The following TRPM7 variants were observed in gnomAD, a reference collection of about 807,000 sequenced individuals.
TRPM7 encodes LTRPC ion channel family member 7.
Under a neutral mutation model 229.7 loss-of-function variants are expected in TRPM7, and 134 were observed. The ratio of observed to expected loss-of-function variants is 0.58; its 90% CI spans 0.51 to 0.67. The LOEUF (loss-of-function observed/expected upper bound fraction) is 0.67, where lower values mean the gene tolerates loss of function less well. TRPM7 is among the 30% of genes least tolerant of loss of function. The pLI is 0.00. For missense variants in TRPM7, 1,901 were observed against 2,210.0 expected (o/e 0.86, Z 2.80); for synonymous variants, 699 against 715.2 (o/e 0.98, Z 0.36).
Position 50,592,124 on chromosome 15 carries a change from C to G in TRPM7, c.4111G>C (p.Gly1371Arg). Residue 1371 changes from glycine (G) to arginine (R), a missense_variant, in exon 26 of 39, where the codon GGG becomes CGG. Transcript: ENST00000646667. ...SPPELRQRLH[G>R]VELLKIFNKN... ...TTAAATATTTTTAAGAGTTCTACCCCATGTAGTCTCTGTCGCAGTTCTGGA... is the reference window on the plus strand; with the variant it reads ...TTAAATATTTTTAAGAGTTCTACCCGATGTAGTCTCTGTCGCAGTTCTGGA... 6.2e-7 allele frequency: 1 copy of G among 1,613,254 alleles called. No individual in the cohort carries two copies.
intron 28 of TRPM7, among the ~76,000 whole-genome samples, chr15:50,585,102 C>T (rs1173658061): frequency 8.6e-5 from 12 of 139,668 alleles, no homozygotes; most frequent in Non-Finnish European, 1.4e-4. Flanking sequence ...TCGCCCAGGC[C>T]GGACTGCAGA....
At chr15:50,603,718 G>A (rs2059842987) in intron 21 of TRPM7, among the ~76,000 whole-genome samples, 1 of 152,082 alleles carries the variant, frequency 6.6e-6, no homozygotes, top group African/African-American at 2.4e-5. Context: ...ATCATTGATG[G>A]ACATTTGGGT....
intron 26 of TRPM7, 30 bp downstream of exon 26, chr15:50,591,881 G>T: frequency 7.1e-7 from 1 of 1,401,466 alleles, no homozygotes; most frequent in Non-Finnish European, 9.7e-7. Flanking sequence ...AAATAATATT[G>T]ATATACAAAT....
intron 3 of TRPM7, among the ~76,000 whole-genome samples, chr15:50,649,486 A>C (rs1042555573): frequency 6.6e-6 from 1 of 152,112 alleles, no homozygotes. Context: ...TCCAATAATA[A>C]AGAGAAGTGA....
intron 1 of TRPM7, among the ~76,000 whole-genome samples, chr15:50,684,679 G>C (rs530473683): frequency 6.6e-6 from 1 of 152,048 alleles, no homozygotes; most frequent in East Asian, 1.9e-4. Context: ...AGAGGAGAAA[G>C]AAACATGTTA....
chr15:50,589,185 G>A (rs1412792699), intron 27 of TRPM7, among the ~76,000 whole-genome samples: 1 of 152,106 alleles, frequency 6.6e-6, no homozygotes. Context: ...AGCCAGGCAT[G>A]GTGATGCGCA....
intron 27 of TRPM7, among the ~76,000 whole-genome samples, chr15:50,586,842 C>A (rs1272278764): frequency 6.6e-6 from 1 of 152,034 alleles, no homozygotes; most frequent in African/African-American, 2.4e-5. Flanking sequence ...CATGGTGAAA[C>A]CCCATCTCTA....
At chr15:50,634,250 G>A (rs750369433) in intron 8 of TRPM7, 132 bp downstream of exon 8, 15 of 593,028 alleles carry the variant, frequency 2.5e-5, no homozygotes, top group Non-Finnish European at 3.6e-5. Context: ...GAACCTGGGA[G>A]GTGGAGGTTG....
chr15:50,637,727 C>A, intron 6 of TRPM7, 134 bp from the exon 7 acceptor site: 2 of 804,616 alleles, frequency 2.5e-6, no homozygotes, highest in South Asian at 2.1e-5. Context: ...TACCAAATGA[C>A]AAAGAATGTT....
rs746946727 is a variant in TRPM7, at chr15:50,643,557, G to C, written c.322-4C>G. The C allele has an allele frequency of 2.5e-5, 40 of 1,609,710 alleles. No homozygotes were observed. In the Middle Eastern group the frequency reaches 4.5e-3, roughly 180 times the overall value. ...TGTCATATGATAGCCTCACATACTA[G>C]AAAAAGATTTTAAAAGGAGAAAATA... On this transcript the variant is annotated splice_polypyrimidine_tract_variant and splice_region_variant and intron_variant, in intron 4 of 38. Transcript: ENST00000646667.
chr15:50,644,664 G>GT (rs759212434), intron 4 of TRPM7, among the ~76,000 whole-genome samples: 5 of 151,930 alleles, frequency 3.3e-5, no homozygotes, highest in Non-Finnish European at 5.9e-5. Context: ...TTAGCTAGGC[G>GT]TGAGTGCTTG....
chr15:50,652,286 T>TCATG (rs1482442940), intron 3 of TRPM7, among the ~76,000 whole-genome samples: 1 of 117,880 alleles, frequency 8.5e-6, no homozygotes, highest in African/African-American at 3.4e-5. Context: ...TGAGCCAAGA[T>TCATG]CATGCCACTG....
intron 31 of TRPM7, among the ~76,000 whole-genome samples, chr15:50,577,912 T>C (rs750609341): frequency 1.3e-5 from 2 of 152,218 alleles, no homozygotes; most frequent in Non-Finnish European, 2.9e-5. Context: ...CACAGCAATA[T>C]TGATGAATTT....
chr15:50,679,958 G>A (rs978180884), intron 1 of TRPM7, among the ~76,000 whole-genome samples: 6 of 152,150 alleles, frequency 3.9e-5, no homozygotes, highest in South Asian at 2.1e-4. Context: ...ATGCATGACC[G>A]GGCGGTGGCT....
At chr15:50,597,816 G>A (rs996428773) in intron 22 of TRPM7, among the ~76,000 whole-genome samples, 7 of 152,010 alleles carry the variant, frequency 4.6e-5, no homozygotes, top group African/African-American at 1.7e-4. Context: ...CTACTCCAGA[G>A]GCTGAGGCAT....
chr15:50,654,662 A>C (rs1339000179), intron 3 of TRPM7, among the ~76,000 whole-genome samples: 3 of 151,384 alleles, frequency 2.0e-5, no homozygotes, highest in Non-Finnish European at 4.4e-5. Flanking sequence ...CAAAGAATCA[A>C]ATAGCAATCC....
chr15:50,630,403 C>G (rs7173321), intron 10 of TRPM7, among the ~76,000 whole-genome samples: 18,950 of 152,136 alleles, frequency 0.12, 1,350 homozygotes, highest in African/African-American at 0.19. Context: ...TCACTCTACA[C>G]TAACTTTCAG....
intron 11 of TRPM7, among the ~76,000 whole-genome samples, chr15:50,626,013 C>T (rs1171116947): frequency 1.3e-5 from 2 of 152,064 alleles, no homozygotes; most frequent in East Asian, 1.9e-4. Flanking sequence ...TATTCTAGTG[C>T]CCACTTGGTC....
At chr15:50,563,250 T>TC (rs1216020752) in intron 38 of TRPM7, among the ~76,000 whole-genome samples, 1 of 152,144 alleles carries the variant, frequency 6.6e-6, no homozygotes, top group African/African-American at 2.4e-5. Flanking sequence ...GACCACATGG[T>TC]CTACAAAGCC....
Sources: allele counts gnomAD v4.1 joint callset (sites outside exome capture counted in the v4.1 genomes callset), GRCh38; gene constraint gnomAD v4.1.1; transcripts MANE v1.5; gene names NCBI Gene and HGNC (gene_info 2026-07-23, HGNC 2026-07-21).